The following PRMT3 variants were observed in gnomAD, a reference collection of about 807,000 sequenced individuals.
PRMT3 encodes the protein protein arginine methyltransferase 3.
PRMT3 carries 62 observed loss-of-function variants against 71.9 expected under a neutral mutation model. That is an observed-to-expected ratio of 0.86 (90% CI 0.70 to 1.07). The LOEUF (loss-of-function observed/expected upper bound fraction) is 1.07, where lower values mean the gene tolerates loss of function less well. PRMT3 is among the 50% of genes least tolerant of loss of function. PRMT3 has a pLI of 0.00. For synonymous variants in PRMT3, 213 were observed against 220.4 expected, an observed-to-expected ratio of 0.97 and a Z score of 0.30; for missense variants, 663 against 643.0, an observed-to-expected ratio of 1.03 and a Z score of -0.34.
At chr11:20,404,893 A>G (rs1653555456) in intron 8 of PRMT3, among the ~76,000 whole-genome samples, 1 of 152,174 alleles carries the variant, frequency 6.6e-6, no homozygotes, top group South Asian at 2.1e-4. Flanking sequence ...TTCTCTTAAT[A>G]CTTGGTGATA....
intron 15 of PRMT3, among the ~76,000 whole-genome samples, chr11:20,498,527 G>A (rs535240879): frequency 3.9e-5 from 6 of 152,146 alleles, no homozygotes; most frequent in African/African-American, 9.7e-5. Context: ...TCAGGAGTTC[G>A]AGACAGGCCT....
intron 10 of PRMT3, among the ~76,000 whole-genome samples, chr11:20,437,507 C>G (rs1849786483): frequency 6.6e-6 from 1 of 152,082 alleles, no homozygotes; most frequent in Non-Finnish European, 1.5e-5. Flanking sequence ...GCTTCTTGAC[C>G]TGTGTTCAAC....
At chr11:20,487,864 G>T (rs894716247) in intron 13 of PRMT3, among the ~76,000 whole-genome samples, 2 of 152,108 alleles carry the variant, frequency 1.3e-5, no homozygotes, top group Non-Finnish European at 2.9e-5. Flanking sequence ...GAAATTACAA[G>T]GAAGCAATCC....
chr11:20,480,302 G>C (rs1252292339), intron 13 of PRMT3, among the ~76,000 whole-genome samples: 1 of 152,198 alleles, frequency 6.6e-6, no homozygotes, highest in Non-Finnish European at 1.5e-5. Context: ...ACTTCTCTGT[G>C]TGTGTATGTG....
intron 13 of PRMT3, among the ~76,000 whole-genome samples, chr11:20,474,319 C>T (rs1236366474): frequency 6.6e-6 from 1 of 152,204 alleles, no homozygotes; most frequent in Non-Finnish European, 1.5e-5. Flanking sequence ...AGATGGCAGC[C>T]GCCCCTCCCC....
Position 20,508,533 on chromosome 11 carries a change from C to A in PRMT3, c.*120C>A. ...TGATGGACCCTTTCCTAATGAGCCTCCTCAATAAGAGAGAAGTTCTCATTG... is the reference window on the plus strand; with the variant it reads ...TGATGGACCCTTTCCTAATGAGCCTACTCAATAAGAGAGAAGTTCTCATTG... On this transcript the variant is annotated 3_prime_UTR_variant, in exon 16 of 16. Transcript: ENST00000331079. 1 of 742,486 alleles carries A rather than the reference C, an allele frequency of 1.3e-6. No homozygotes were observed. The highest frequency in any genetic ancestry group is 2.5e-6 in the Non-Finnish European group (1 of 407,470). 46.0% of individuals were successfully genotyped at this position (742,486 alleles called of 1,614,324 possible). A position where few individuals can be genotyped will look rare whatever the true frequency, so the allele number is the denominator to read the frequency against.
At chr11:20,390,497 G>A (rs1296666818) in intron 3 of PRMT3, among the ~76,000 whole-genome samples, 2 of 152,188 alleles carry the variant, frequency 1.3e-5, no homozygotes, top group Non-Finnish European at 2.9e-5. Flanking sequence ...AGCATGACAT[G>A]AACTTCACAG....
intron 13 of PRMT3, among the ~76,000 whole-genome samples, chr11:20,475,420 C>T (rs1850756056): frequency 6.6e-6 from 1 of 152,112 alleles, no homozygotes; most frequent in Admixed American, 6.6e-5. Context: ...AATTCATTTG[C>T]CGCTTTCATT....
intron 8 of PRMT3, among the ~76,000 whole-genome samples, chr11:20,403,646 C>T (rs534946921): frequency 2.0e-5 from 3 of 151,330 alleles, no homozygotes; most frequent in Non-Finnish European, 4.4e-5. Context: ...TCTCTTTATA[C>T]ATTGGCATGG....
intron 13 of PRMT3, among the ~76,000 whole-genome samples, chr11:20,477,313 C>T (rs1273114732): frequency 6.6e-6 from 1 of 152,108 alleles, no homozygotes; most frequent in East Asian, 1.9e-4. Context: ...TAGCAGCTCA[C>T]GGCTGTAATC....
chr11:20,489,013 G>C (rs1167269501), intron 13 of PRMT3, among the ~76,000 whole-genome samples: 2 of 152,174 alleles, frequency 1.3e-5, no homozygotes, highest in Middle Eastern at 3.2e-3. Flanking sequence ...CTCCATGCTT[G>C]TATTTTCCTA....
chr11:20,448,250 A>C (rs968626870), intron 10 of PRMT3, among the ~76,000 whole-genome samples: 1 of 152,118 alleles, frequency 6.6e-6, no homozygotes, highest in African/African-American at 2.4e-5. Context: ...CAGTGGATAT[A>C]TCCTCAAAGA....
At chr11:20,421,945 T>G (rs1187220048) in intron 9 of PRMT3, among the ~76,000 whole-genome samples, 3 of 152,206 alleles carry the variant, frequency 2.0e-5, no homozygotes, top group Non-Finnish European at 4.4e-5. Flanking sequence ...TCATAAAGCC[T>G]ATCTAAGTTC....
At chr11:20,456,329 A>G (rs1850267218) in intron 11 of PRMT3, among the ~76,000 whole-genome samples, 2 of 152,232 alleles carry the variant, frequency 1.3e-5, no homozygotes, top group African/African-American at 4.8e-5. Context: ...TCAAGGTCAC[A>G]CAGAATTTTC....
intron 13 of PRMT3, among the ~76,000 whole-genome samples, chr11:20,476,166 G>A (rs1037844378): frequency 4.0e-5 from 6 of 151,498 alleles, no homozygotes; most frequent in African/African-American, 9.7e-5. Context: ...CCTGGCCAAC[G>A]TGGTGAAACC....
At chr11:20,474,706 T>A (rs1471380247) in intron 13 of PRMT3, among the ~76,000 whole-genome samples, 2 of 152,230 alleles carry the variant, frequency 1.3e-5, no homozygotes, top group East Asian at 3.8e-4. Context: ...TTCGTGCTGT[T>A]AGAATGCTTG....
At chr11:20,397,524 T>C (rs777827982) in intron 6 of PRMT3, 53 bp from the exon 7 acceptor site, 8 of 1,585,118 alleles carry the variant, frequency 5.0e-6, no homozygotes, top group Non-Finnish European at 6.9e-6. Context: ...AGCCTTTCCT[T>C]TATTCATGGT....
chr11:20,390,843 G>C (rs186004085), intron 3 of PRMT3, among the ~76,000 whole-genome samples: 184 of 152,298 alleles, frequency 1.2e-3, no homozygotes, highest in African/African-American at 4.2e-3. Context: ...AAGGTCAGGA[G>C]ATCGAGACCA....
intron 13 of PRMT3, among the ~76,000 whole-genome samples, chr11:20,489,618 A>T (rs757058044): frequency 1.3e-5 from 2 of 152,148 alleles, no homozygotes; most frequent in African/African-American, 4.8e-5. Flanking sequence ...AAATAGTGGC[A>T]TGTTTATATT....
Sources: allele counts gnomAD v4.1 joint callset (sites outside exome capture counted in the v4.1 genomes callset), GRCh38; gene constraint gnomAD v4.1.1; transcripts MANE v1.5; gene names NCBI Gene and HGNC (gene_info 2026-07-23, HGNC 2026-07-21).